Variants in CFAP251 observed in about 807,000 individuals in gnomAD.
The protein encoded by CFAP251 is cilia- and flagella-associated protein 251.
CFAP251 carries 93 observed loss-of-function variants against 126.7 expected under a neutral mutation model. The observed-to-expected ratio is 0.73, with a 90% CI of 0.62 to 0.87. CFAP251 has a LOEUF of 0.87. Among genes scored for constraint, CFAP251 ranks in the 40% least tolerant of loss-of-function variants. The pLI, the probability that CFAP251 is intolerant of heterozygous loss-of-function variation, is 0.00. For synonymous variants in CFAP251, 503 were observed against 506.9 expected (o/e 0.99, Z 0.10); for missense variants, 1,287 against 1,389.2 (o/e 0.93, Z 1.17).
At chr12:121,976,865 G>A (rs549325456) in intron 19 of CFAP251, among the ~76,000 whole-genome samples, 63 of 152,228 alleles carry the variant, frequency 4.1e-4, no homozygotes, top group Non-Finnish European at 5.4e-4. Context: ...CCGTGATTGT[G>A]CCACTGCACT....
At chr12:121,958,774 C>T (rs1945435539) in intron 12 of CFAP251, among the ~76,000 whole-genome samples, 169 bp from the exon 13 acceptor site, 1 of 152,278 alleles carries the variant, frequency 6.6e-6, no homozygotes, top group Admixed American at 6.5e-5. Context: ...ATCTGTGCGT[C>T]TCTGCGCGCT....
chr12:121,942,345 C>T (rs1028765173), intron 5 of CFAP251, among the ~76,000 whole-genome samples, 189 bp from the exon 6 acceptor site: 7 of 152,176 alleles, frequency 4.6e-5, no homozygotes, highest in Non-Finnish European at 7.3e-5. Flanking sequence ...TCGCTTCCGA[C>T]GCTCATCCAT....
chr12:121,990,883 G>A (rs978359208), intron 19 of CFAP251, among the ~76,000 whole-genome samples: 7 of 152,238 alleles, frequency 4.6e-5, no homozygotes, highest in Admixed American at 2.0e-4. Flanking sequence ...TGTGTATATC[G>A]TCTCTTGAGC....
chr12:121,970,277 C>T (rs1882290141), intron 17 of CFAP251, among the ~76,000 whole-genome samples: 1 of 152,176 alleles, frequency 6.6e-6, no homozygotes, highest in African/African-American at 2.4e-5. Flanking sequence ...TTCTCCTTGT[C>T]TGGCATCTGT....
At chr12:121,976,010 T>C (rs1481068308) in intron 19 of CFAP251, among the ~76,000 whole-genome samples, 1 of 151,452 alleles carries the variant, frequency 6.6e-6, no homozygotes, top group Non-Finnish European at 1.5e-5. Context: ...AGGATTTTTT[T>C]CTTTTTTTTT....
At chr12:122,003,407 A>G (rs1883189650) in intron 21 of CFAP251, among the ~76,000 whole-genome samples, 1 of 152,114 alleles carries the variant, frequency 6.6e-6, no homozygotes. Flanking sequence ...CCCCATCTCT[A>G]CAAAAAAATT....
At chr12:121,981,400 G>A (rs1882617818) in intron 19 of CFAP251, among the ~76,000 whole-genome samples, 1 of 152,070 alleles carries the variant, frequency 6.6e-6, no homozygotes, top group Admixed American at 6.6e-5. Flanking sequence ...GGCCTGTGAG[G>A]TCAAGGATGC....
chr12:121,987,504 C>G (rs1882778241), intron 19 of CFAP251, among the ~76,000 whole-genome samples: 1 of 152,078 alleles, frequency 6.6e-6, no homozygotes, highest in Non-Finnish European at 1.5e-5. Flanking sequence ...CACCTGAGGT[C>G]AGGAGTTCGA....
rs1881955300 is a variant in CFAP251 at position 121,962,013 on chromosome 12, C to G, written c.2343C>G (p.His781Gln). 1 of 1,613,720 alleles carries G rather than the reference C, an allele frequency of 6.2e-7. No individual in the cohort carries two copies. The highest frequency in any genetic ancestry group is 1.3e-5 in the African/African-American group (1 of 74,902). The change falls in exon 15 of 22, where the codon CAC (histidine) becomes CAG (glutamine). Residue 781 changes from histidine (H) to glutamine (Q), a missense_variant. Physicochemically the swap from His to Gln is conservative, Grantham distance 24. Transcript: ENST00000288912. Reference protein sequence around the residue: ...EYDLLRSYKDHLEVLDIHHTD... With the variant: ...EYDLLRSYKDQLEVLDIHHTD... ...ATCTTCTCAGGAGCTACAAAGACCA[C>G]CTGGAAGTCCTGGACATTCACCACA...
At position 121,921,267 on chromosome 12, in the gene CFAP251, A is replaced by T; in HGVS notation, c.-20-19A>T. On this transcript the variant is annotated intron_variant, in intron 1 of 21. Coordinates refer to ENST00000288912, the MANE Select transcript of CFAP251 (RefSeq NM_144668.6). ...GGAAGCTGAGGGCCAGCTGGTTATTATGGTCAAAATCTCTCTAGAGGAAAC... is the reference window on the plus strand; with the variant it reads ...GGAAGCTGAGGGCCAGCTGGTTATTTTGGTCAAAATCTCTCTAGAGGAAAC... The T allele has an allele frequency of 2.0e-6, 3 of 1,535,026 alleles. No homozygotes were observed. The highest frequency in any genetic ancestry group is 1.7e-6 in the Non-Finnish European group (2 of 1,148,238).
intron 9 of CFAP251, 33 bp downstream of exon 9, chr12:121,951,563 ATTTTGTGGAGAATAAATAT>A: frequency 6.6e-7 from 1 of 1,522,660 alleles, no homozygotes; most frequent in Non-Finnish European, 9.1e-7. Flanking sequence ...TGTCCATCAG[ATTTTGTGGAGAATAAATAT>A]TTATGTGCAA....
intron 11 of CFAP251, 82 bp from the exon 12 acceptor site, chr12:121,958,190 T>C: frequency 6.4e-7 from 1 of 1,567,894 alleles, no homozygotes; most frequent in South Asian, 1.2e-5. Context: ...AGAGGCGTTT[T>C]ATGTGCAATT....
rs1882820888 is a variant in CFAP251, at chr12:121,989,290, G to T, written c.3007-10426G>T. Among the ~76,000 whole-genome samples the T allele has an allele frequency of 6.6e-6, 1 of 152,196 alleles. No individual in the cohort carries two copies. Among genetic ancestry groups the T allele is most frequent in the African/African-American group, 2.4e-5 (1 of 41,434 alleles). ...GGGCAGGGTGACAGTCACTCTAAAG[G>T]GCCCTGTGAATGGGTGTTGTTCACA... On this transcript the variant is annotated intron_variant, in intron 19 of 21. Transcript: ENST00000288912. The surrounding 1 kb of genome is among the most constrained non-coding windows in gnomAD (Gnocchi z 4.2).
At position 121,970,917 on chromosome 12, in the gene CFAP251, G is replaced by C. The variant is rs190789059; in HGVS notation, c.2771+2748G>C. 1.8e-3 allele frequency among the ~76,000 whole-genome samples: 274 copies of C among 152,330 alleles called. 2 individuals are homozygous for C. The highest frequency in any genetic ancestry group is 6.5e-3 in the African/African-American group (270 of 41,572). On this transcript the variant is annotated intron_variant, in intron 17 of 21. Transcript: ENST00000288912. ...ACAGAGAGAGGGAGTCTCTTTCCCAGCTTGTGTTGGAGAAATGCCAGTACA... is the reference window on the plus strand; with the variant it reads ...ACAGAGAGAGGGAGTCTCTTTCCCACCTTGTGTTGGAGAAATGCCAGTACA...
chr12:121,976,621 G>A (rs1882465988), intron 19 of CFAP251, among the ~76,000 whole-genome samples: 1 of 152,180 alleles, frequency 6.6e-6, no homozygotes, highest in Non-Finnish European at 1.5e-5. Flanking sequence ...TAAAGTGCAG[G>A]TAAGCCGGTT....
At position 121,942,515 on chromosome 12, in the gene CFAP251, C is replaced by CA. The variant is rs1312954548; in HGVS notation, c.999-19_999-18insA. ...AGGGAGACCTCAGCAAGTGTCGCCC[C>CA]CCTTGTCCTGTTTTGCAGTATTCCT... On this transcript the variant is annotated intron_variant, in intron 5 of 21. Coordinates refer to ENST00000288912, the MANE Select transcript of CFAP251 (RefSeq NM_144668.6). 2 of 1,595,462 alleles carry CA rather than the reference C, an allele frequency of 1.3e-6. No homozygotes were observed. The highest frequency in any genetic ancestry group is 2.7e-5 in the African/African-American group (2 of 74,576).
chr12:121,993,725 G>A, intron 19 of CFAP251, among the ~76,000 whole-genome samples: 1 of 150,456 alleles, frequency 6.6e-6, no homozygotes, highest in Non-Finnish European at 1.5e-5. Context: ...GAGACCCTCT[G>A]CCTGGCAACC....
At chr12:121,931,514 T>C (rs1880687172) in intron 3 of CFAP251, among the ~76,000 whole-genome samples, 1 of 152,106 alleles carries the variant, frequency 6.6e-6, no homozygotes, top group African/African-American at 2.4e-5. Flanking sequence ...GATTTCACCA[T>C]GTTGGCCAGG....
intron 16 of CFAP251, among the ~76,000 whole-genome samples, 189 bp downstream of exon 16, chr12:121,967,258 G>A (rs1054310102): frequency 6.6e-6 from 1 of 152,248 alleles, no homozygotes; most frequent in Non-Finnish European, 1.5e-5. Flanking sequence ...ACATTTCTGA[G>A]CAGAGTTACT....
Sources: allele counts gnomAD v4.1 joint callset (sites outside exome capture counted in the v4.1 genomes callset), GRCh38; gene constraint gnomAD v4.1.1; non-coding constraint Gnocchi (gnomAD v3.1); transcripts MANE v1.5; gene names NCBI Gene and HGNC (gene_info 2026-07-23, HGNC 2026-07-21).